The following RALGAPA2 variants were observed in gnomAD, a reference collection of about 807,000 sequenced individuals.
RALGAPA2 encodes the protein ral GTPase-activating protein subunit alpha-2.
RALGAPA2 carries 139 observed loss-of-function variants against 230.4 expected under a neutral mutation model. The observed-to-expected ratio is 0.60, with a 90% CI of 0.53 to 0.69. RALGAPA2 has a LOEUF of 0.69. Ranked by LOEUF, RALGAPA2 falls within the 30% of genes least tolerant of loss-of-function variation. The pLI is 0.00. For missense variants in RALGAPA2, 2,163 were observed against 2,276.0 expected (o/e 0.95, Z 1.01); for synonymous variants, 847 against 837.8 (o/e 1.01, Z -0.19).
chr20:20,508,316 A>G (rs527478015), intron 33 of RALGAPA2, among the ~76,000 whole-genome samples: 1 of 152,386 alleles, frequency 6.6e-6, no homozygotes, highest in Non-Finnish European at 1.5e-5. Flanking sequence ...ACACCAATGC[A>G]TGAAGGAGCA....
chr20:20,534,055 C>G (rs2063435689), intron 26 of RALGAPA2, among the ~76,000 whole-genome samples: 1 of 152,042 alleles, frequency 6.6e-6, no homozygotes. Flanking sequence ...ATAAAATTGA[C>G]AAATTTTTGG....
rs1458130472 is a variant in RALGAPA2, at chr20:20,505,452, T to C, written c.5011A>G (p.Ser1671Gly). The change falls in exon 34 of 40, where the codon AGC (serine) becomes GGC (glycine). Residue 1671 changes from serine (S) to glycine (G), a missense_variant. Physicochemically the swap from Ser to Gly is moderately conservative, Grantham distance 56 (BLOSUM62 0). Coordinates refer to ENST00000202677, the MANE Select transcript of RALGAPA2 (RefSeq NM_020343.4). Reference sequence around the variant, plus strand: ...GCAACAAAGTCTTCATATGCTTGGCTTCCTCTTTCATTAGAGAGGATTGAA... The same window carrying C: ...GCAACAAAGTCTTCATATGCTTGGCCTCCTCTTTCATTAGAGAGGATTGAA... ...KCSILSNERG[S>G]QAYEDFVAGL... 6.2e-7 allele frequency: 1 copy of C among 1,602,258 alleles called. No homozygotes were observed. The highest frequency in any genetic ancestry group is 8.5e-7 in the Non-Finnish European group (1 of 1,173,570).
chr20:20,660,229 GAA>G (rs1169773178), intron 3 of RALGAPA2, among the ~76,000 whole-genome samples: 7 of 123,004 alleles, frequency 5.7e-5, no homozygotes, highest in African/African-American at 6.0e-5. Context: ...CTCTGTCTTG[GAA>G]AAAAAAAAAA....
intron 36 of RALGAPA2, 134 bp from the exon 37 acceptor site, chr20:20,473,090 C>T (rs1034047436): frequency 1.0e-5 from 9 of 903,096 alleles, no homozygotes; most frequent in East Asian, 2.7e-5. Flanking sequence ...CTGACCTTAA[C>T]AGGACACAGG....
At chr20:20,536,810 A>G (rs375868224) in intron 24 of RALGAPA2, 26 bp from the exon 25 acceptor site, 57 of 1,599,472 alleles carry the variant, frequency 3.6e-5, no homozygotes, top group Non-Finnish European at 4.7e-5. Flanking sequence ...AGGAGCACAC[A>G]CATTTCTCTT....
chr20:20,461,812 C>T (rs1288006375), intron 37 of RALGAPA2, among the ~76,000 whole-genome samples: 1 of 152,212 alleles, frequency 6.6e-6, no homozygotes, highest in Non-Finnish European at 1.5e-5. Context: ...CACTTCCAGG[C>T]ATACATCTGC....
chr20:20,501,247 G>C (rs748725888), intron 35 of RALGAPA2, among the ~76,000 whole-genome samples: 4 of 152,248 alleles, frequency 2.6e-5, no homozygotes, highest in Non-Finnish European at 4.4e-5. Context: ...GAAAGTGGTA[G>C]ATAGAAACTT....
At position 20,676,240 on chromosome 20, in the gene RALGAPA2, A is replaced by G; in HGVS notation, c.266T>C (p.Phe89Ser). The change falls in exon 3 of 40, where the codon TTT becomes TCT. Residue 89 changes from phenylalanine (F) to serine (S), a missense_variant. Coordinates refer to ENST00000202677, the MANE Select transcript of RALGAPA2 (RefSeq NM_020343.4). ...AATAAACTCATCAAAACTTACTTCA[A>G]AAAGGAAGAGGATGGAGTCCAGCTC... ...REELDSILFL[F>S]EKILQFLPER... is the part of the protein sequence containing the mutation. The G allele has an allele frequency of 6.5e-7, 1 of 1,542,316 alleles. No homozygotes were observed. The highest frequency in any genetic ancestry group is 8.9e-7 in the Non-Finnish European group (1 of 1,125,992).
At chr20:20,465,875 T>C (rs1233240498) in intron 37 of RALGAPA2, among the ~76,000 whole-genome samples, 1 of 152,230 alleles carries the variant, frequency 6.6e-6, no homozygotes, top group African/African-American at 2.4e-5. Flanking sequence ...AAAGTAAATA[T>C]TTCCTGAGGC....
In RALGAPA2 at chr20:20,536,651, T is replaced by C. The variant is rs2063505328; in HGVS notation, c.3414+5A>G. ...ACTTGAGATACAGTCAAATGCGTTA[T>C]GTACCTTGACATCTTCAGTTCCTGT... On this transcript the variant is annotated splice_donor_5th_base_variant and intron_variant, in intron 25 of 39. Transcript: ENST00000202677. The C allele has an allele frequency of 3.1e-6, 5 of 1,611,196 alleles. No homozygotes were observed. The highest frequency in any genetic ancestry group is 3.4e-6 in the Non-Finnish European group (4 of 1,177,954).
At chr20:20,516,080 C>A (rs1379156981) in intron 31 of RALGAPA2, among the ~76,000 whole-genome samples, 1 of 152,164 alleles carries the variant, frequency 6.6e-6, no homozygotes, top group African/African-American at 2.4e-5. Context: ...ACTCTCCACT[C>A]CCATTGTGAA....
intron 20 of RALGAPA2, among the ~76,000 whole-genome samples, chr20:20,574,158 G>T (rs2064744965): frequency 6.6e-6 from 1 of 152,188 alleles, no homozygotes; most frequent in Non-Finnish European, 1.5e-5. Flanking sequence ...GCATGCAGCA[G>T]TATCTCACTG....
chr20:20,393,073 G>T lies in RALGAPA2; in HGVS notation c.*216C>A. 7.5e-7 allele frequency: 1 copy of T among 1,336,720 alleles called. No homozygotes were observed. Among genetic ancestry groups the T allele is most frequent in the Non-Finnish European group, 1.0e-6 (1 of 1,003,944 alleles). 82.8% of individuals were successfully genotyped at this position (1,336,720 alleles called of 1,614,324 possible). A position where few individuals can be genotyped will look rare whatever the true frequency, so the allele number is the denominator to read the frequency against. On this transcript the variant is annotated 3_prime_UTR_variant, in exon 40 of 40. Transcript: ENST00000202677. ...AGTCCCATCTGAGACACGGTAGTGG[G>T]ATTCACCATGGGCTTCAGAAGTCCA...
chr20:20,426,257 T>C (rs1443566089), intron 37 of RALGAPA2, among the ~76,000 whole-genome samples: 1 of 152,224 alleles, frequency 6.6e-6, no homozygotes, highest in African/African-American at 2.4e-5. Flanking sequence ...GTGACTTACA[T>C]AGTGTGGTTT....
intron 20 of RALGAPA2, among the ~76,000 whole-genome samples, chr20:20,574,880 C>T (rs2064770077): frequency 6.6e-6 from 1 of 152,170 alleles, no homozygotes. Context: ...TCTCTGTTCT[C>T]ATGTGTCATA....
chr20:20,650,859 T>C (rs1397126497), intron 4 of RALGAPA2, among the ~76,000 whole-genome samples: 1 of 152,182 alleles, frequency 6.6e-6, no homozygotes, highest in East Asian at 1.9e-4. Flanking sequence ...TACAGTGAGG[T>C]ATATATGTAT....
At chr20:20,686,075 C>T (rs188946337) in intron 1 of RALGAPA2, among the ~76,000 whole-genome samples, 2 of 152,332 alleles carry the variant, frequency 1.3e-5, no homozygotes, top group Admixed American at 1.3e-4. Flanking sequence ...CACCCTCTTC[C>T]ACTCCTTTGT....
intron 37 of RALGAPA2, among the ~76,000 whole-genome samples, chr20:20,413,015 G>A (rs935413829): frequency 2.6e-5 from 4 of 152,214 alleles, no homozygotes; most frequent in Admixed American, 6.5e-5. Flanking sequence ...AATGGATGGA[G>A]GCACTGCACA....
chr20:20,633,013 C>T (rs1421757313), intron 9 of RALGAPA2, among the ~76,000 whole-genome samples: 1 of 146,580 alleles, frequency 6.8e-6, no homozygotes, highest in Non-Finnish European at 1.5e-5. Flanking sequence ...GGGTCTTTCT[C>T]TCTCTCTCTC....
Sources: gnomAD v4.1 joint callset for allele counts (sites outside exome capture counted in the v4.1 genomes callset) on GRCh38, gnomAD v4.1.1 for gene constraint, MANE v1.5 for transcripts, NCBI Gene and HGNC (gene_info 2026-07-23, HGNC 2026-07-21) for gene names.